Variants in BRINP3 observed in about 807,000 individuals in gnomAD.
The protein encoded by BRINP3 is BMP/retinoic acid inducible neural specific 3.
BRINP3 carries 19 observed loss-of-function variants against 71.0 expected under a neutral mutation model. The observed-to-expected ratio is 0.27, with a 90% CI of 0.19 to 0.39. The LOEUF (loss-of-function observed/expected upper bound fraction) is 0.39, where lower values mean the gene tolerates loss of function less well. BRINP3 is among the 10% of genes least tolerant of loss of function. The pLI, the probability that BRINP3 is intolerant of heterozygous loss-of-function variation, is 1.00. For missense variants in BRINP3, 959 were observed against 940.8 expected, an observed-to-expected ratio of 1.02 and a Z score of -0.25; for synonymous variants, 380 against 337.7, an observed-to-expected ratio of 1.13 and a Z score of -1.37.
At chr1:190,144,153 A>G (rs1449729720) in intron 7 of BRINP3, among the ~76,000 whole-genome samples, 1 of 152,172 alleles carries the variant, frequency 6.6e-6, no homozygotes, top group Non-Finnish European at 1.5e-5. Context: ...AGGAAATTTC[A>G]GTATCAATTA....
chr1:190,283,545 T>G (rs1295060171), intron 2 of BRINP3, among the ~76,000 whole-genome samples: 1 of 151,500 alleles, frequency 6.6e-6, no homozygotes, highest in Non-Finnish European at 1.5e-5. Flanking sequence ...CAAACCTAAG[T>G]TGATATCAAT....
At chr1:190,424,501 G>C (rs1331867095) in intron 2 of BRINP3, among the ~76,000 whole-genome samples, 1 of 151,584 alleles carries the variant, frequency 6.6e-6, no homozygotes, top group Non-Finnish European at 1.5e-5. Flanking sequence ...GGACTTTAAA[G>C]GTTTATACAT....
At chr1:190,216,661 A>C (rs1656446087) in intron 6 of BRINP3, among the ~76,000 whole-genome samples, 1 of 151,950 alleles carries the variant, frequency 6.6e-6, no homozygotes, top group Admixed American at 6.6e-5. Flanking sequence ...ATTCTGTGCT[A>C]ATCCTATCTA....
At chr1:190,188,229 C>T (rs1422363896) in intron 6 of BRINP3, among the ~76,000 whole-genome samples, 2 of 152,076 alleles carry the variant, frequency 1.3e-5, no homozygotes, top group Non-Finnish European at 2.9e-5. Flanking sequence ...TATCCTGCAA[C>T]TTAATCTTTT....
intron 2 of BRINP3, among the ~76,000 whole-genome samples, chr1:190,367,230 C>G (rs1250046690): frequency 6.6e-6 from 1 of 152,192 alleles, no homozygotes; most frequent in Non-Finnish European, 1.5e-5. Flanking sequence ...GCAGAGGTTC[C>G]TCAACATCAA....
intron 2 of BRINP3, among the ~76,000 whole-genome samples, chr1:190,372,910 A>C (rs567029715): frequency 6.6e-6 from 1 of 152,296 alleles, no homozygotes; most frequent in East Asian, 1.9e-4. Context: ...ATCTAAATAA[A>C]ATATTAGAGA....
chr1:190,277,554 A>T (rs1662691963), intron 3 of BRINP3, among the ~76,000 whole-genome samples: 1 of 151,704 alleles, frequency 6.6e-6, no homozygotes, highest in Admixed American at 6.6e-5. Flanking sequence ...TTTAAAATTG[A>T]TCCAGAACAC....
chr1:190,327,326 CAAAAAA>C (rs1227478693), intron 2 of BRINP3, among the ~76,000 whole-genome samples: 499 of 44,238 alleles, frequency 0.011, 1 homozygote, highest in African/African-American at 0.025. Flanking sequence ...AAAAAAAGAA[CAAAAAA>C]AAAAAAAAAA....
intron 6 of BRINP3, among the ~76,000 whole-genome samples, chr1:190,205,359 C>A (rs981660764): frequency 4.6e-5 from 7 of 151,910 alleles, no homozygotes; most frequent in African/African-American, 1.7e-4. Context: ...AGAGTTTGTT[C>A]TGTCAGCCTT....
chr1:190,113,626 C>A (rs1214557609), intron 7 of BRINP3, among the ~76,000 whole-genome samples: 1 of 152,072 alleles, frequency 6.6e-6, no homozygotes, highest in Non-Finnish European at 1.5e-5. Flanking sequence ...CAAAATAAGT[C>A]AGAATTAAAT....
intron 6 of BRINP3, among the ~76,000 whole-genome samples, chr1:190,202,797 T>A (rs896549942): frequency 1.3e-5 from 2 of 152,136 alleles, no homozygotes; most frequent in African/African-American, 4.8e-5. Flanking sequence ...GCCATGATTG[T>A]GAGGCCTCCC....
intron 2 of BRINP3, among the ~76,000 whole-genome samples, chr1:190,390,583 G>C (rs1671190459): frequency 6.6e-6 from 1 of 151,754 alleles, no homozygotes; most frequent in Non-Finnish European, 1.5e-5. Flanking sequence ...GCATGGTAGA[G>C]GGTGTGAACT....
rs201476280 is a variant in BRINP3 at position 190,264,905 on chromosome 1, C to A, written c.578G>T (p.Arg193Leu). 1 of 1,613,470 alleles carries A rather than the reference C, an allele frequency of 6.2e-7. No homozygotes were observed. The highest frequency in any genetic ancestry group is 8.5e-7 in the Non-Finnish European group (1 of 1,179,774). ...TGCAATTTGAATGTGGTGAAGTCTC[C>A]GAAGGGTGCTGTCCCTGTCAATGAA... is the stretch of plus-strand genomic sequence containing the variant. ...SYFIDRDSTLRRLHHIQIAST... is the reference protein window; with the variant it reads ...SYFIDRDSTLLRLHHIQIAST... Residue 193 changes from arginine to leucine, a missense_variant, in exon 4 of 8, where the codon CGG (arginine) becomes CTG (leucine). By Grantham distance (102) the Arg-to-Leu change is moderately radical. Coordinates refer to ENST00000367462, the MANE Select transcript of BRINP3 (RefSeq NM_199051.3).
At chr1:190,103,374 A>G (rs977239260) in intron 7 of BRINP3, among the ~76,000 whole-genome samples, 2 of 152,010 alleles carry the variant, frequency 1.3e-5, no homozygotes, top group Non-Finnish European at 2.9e-5. Context: ...ACATGAATTA[A>G]ATGTTTGACT....
intron 2 of BRINP3, among the ~76,000 whole-genome samples, chr1:190,410,307 T>C (rs1672579139): frequency 1.3e-5 from 2 of 152,134 alleles, no homozygotes; most frequent in African/African-American, 4.8e-5. Flanking sequence ...ATCAACTAGA[T>C]GAATATTATT....
intron 2 of BRINP3, among the ~76,000 whole-genome samples, chr1:190,412,684 G>T (rs1052409895): frequency 6.6e-6 from 1 of 151,088 alleles, no homozygotes; most frequent in Non-Finnish European, 1.5e-5. Flanking sequence ...GGATGGTCTC[G>T]ATCTCCTGAC....
chr1:190,194,171 C>G (rs1369150217), intron 6 of BRINP3, among the ~76,000 whole-genome samples: 1 of 151,932 alleles, frequency 6.6e-6, no homozygotes, highest in Admixed American at 6.6e-5. Context: ...GAAGTACATG[C>G]AGAGAAAAGG....
rs138330461 is a variant in BRINP3 at position 190,348,436 on chromosome 1, G to T, written c.237-66686C>A. Reference sequence around the variant, plus strand: ...AGCCAGTCACCTCCAAATAATTCAGGTCTGTGGTCAGATCCTTTACACGAA... The same window carrying T: ...AGCCAGTCACCTCCAAATAATTCAGTTCTGTGGTCAGATCCTTTACACGAA... On this transcript the variant is annotated intron_variant, in intron 2 of 7. Transcript: ENST00000367462. Among the ~76,000 whole-genome samples, 766 of 152,180 alleles carry T rather than the reference G, an allele frequency of 5.0e-3. 5 individuals are homozygous for T. Among genetic ancestry groups the T allele is most frequent in the African/African-American group, 0.017 (701 of 41,544 alleles).
chr1:190,215,322 C>A (rs1366852263), intron 6 of BRINP3, among the ~76,000 whole-genome samples: 1 of 151,750 alleles, frequency 6.6e-6, no homozygotes, highest in Non-Finnish European at 1.5e-5. Flanking sequence ...AGGTTTTACT[C>A]CCCAAAAATA....
Sources: gnomAD v4.1 joint callset for allele counts (sites outside exome capture counted in the v4.1 genomes callset) on GRCh38, gnomAD v4.1.1 for gene constraint, MANE v1.5 for transcripts, NCBI Gene and HGNC (gene_info 2026-07-23, HGNC 2026-07-21) for gene names.